SHMT1: variants seen among roughly 807,000 people sequenced by gnomAD.
SHMT1 encodes serine hydroxymethyltransferase 1, also known as serine hydroxymethyltransferase, cytosolic.
SHMT1 carries 45 observed loss-of-function variants against 49.0 expected under a neutral mutation model. The observed-to-expected ratio is 0.92, with a 90% CI of 0.72 to 1.18. The LOEUF (loss-of-function observed/expected upper bound fraction) is 1.18, where lower values mean the gene tolerates loss of function less well. Among genes scored for constraint, SHMT1 ranks in the 50% most tolerant of loss-of-function variants. The pLI is 0.00. For missense variants in SHMT1, 541 were observed against 612.4 expected, an observed-to-expected ratio of 0.88 and a Z score of 1.23; for synonymous variants, 232 against 246.6, an observed-to-expected ratio of 0.94 and a Z score of 0.55.
chr17:18,359,971 G>A lies in SHMT1; in HGVS notation c.-20+3401C>T, dbSNP rs987494433. Reference sequence around the variant, plus strand: ...AAAAAAAAAAAAAATTATTTGGCCAGGCACAGTGGCTCACACCTGTAACCC... The same window carrying A: ...AAAAAAAAAAAAAATTATTTGGCCAAGCACAGTGGCTCACACCTGTAACCC... On this transcript the variant is annotated intron_variant, in intron 1 of 11. Transcript: ENST00000316694. Among the ~76,000 whole-genome samples, 4 of 151,340 alleles carry A rather than the reference G, an allele frequency of 2.6e-5. No individual in the cohort carries two copies. In the Admixed American group the frequency reaches 2.7e-4, roughly 10 times the overall value.
chr17:18,334,618 C>A (rs1314255730), intron 8 of SHMT1, among the ~76,000 whole-genome samples: 1 of 152,174 alleles, frequency 6.6e-6, no homozygotes, highest in Non-Finnish European at 1.5e-5. Flanking sequence ...TTCGTCCTAC[C>A]CTGCACCATT....
At chr17:18,330,236 A>G (rs1983048821) in intron 10 of SHMT1, among the ~76,000 whole-genome samples, 1 of 152,002 alleles carries the variant, frequency 6.6e-6, no homozygotes, top group Non-Finnish European at 1.5e-5. Context: ...CCCGGGTTCA[A>G]GCGACTCTTC....
At position 18,329,864 on chromosome 17, in the gene SHMT1, TTTTG is replaced by T. The variant is rs373683780; in HGVS notation, c.1172-480_1172-477del. Among the ~76,000 whole-genome samples the T allele has an allele frequency of 1.2e-3, 176 of 152,128 alleles. 1 individual carries two copies. The highest frequency in any genetic ancestry group is 4.3e-3 in the Admixed American group (65 of 15,274). The stretch of plus-strand genomic sequence containing the variant: ...TCCCTGCCCCCGCTCCATTTTTTGT[TTTTG>T]TTTTTGTTTTTTTGAGACGGAGTCT... On this transcript the variant is annotated intron_variant, in intron 10 of 11. Coordinates refer to ENST00000316694, the MANE Select transcript of SHMT1 (RefSeq NM_004169.5).
At chr17:18,339,348 A>C (rs1001701510) in intron 7 of SHMT1, among the ~76,000 whole-genome samples, 3 of 152,158 alleles carry the variant, frequency 2.0e-5, no homozygotes, top group Admixed American at 2.0e-4. Flanking sequence ...CTGTAAGTTC[A>C]CCAGAATAAT....
intron 3 of SHMT1, among the ~76,000 whole-genome samples, chr17:18,350,749 C>G (rs1333835440): frequency 6.9e-6 from 1 of 145,078 alleles, no homozygotes; most frequent in Non-Finnish European, 1.5e-5. Context: ...TTTTTTTTTT[C>G]TGAGATGGAG....
At chr17:18,362,649 A>C (rs1986878075) in intron 1 of SHMT1, among the ~76,000 whole-genome samples, 1 of 152,148 alleles carries the variant, frequency 6.6e-6, no homozygotes, top group Admixed American at 6.6e-5. Context: ...GCAAGAACCT[A>C]AACTGGTGTT....
At chr17:18,337,567 C>T (rs1330112839) in intron 7 of SHMT1, among the ~76,000 whole-genome samples, 1 of 150,906 alleles carries the variant, frequency 6.6e-6, no homozygotes, top group African/African-American at 2.4e-5. Flanking sequence ...TCCCCCTCCC[C>T]CTCCCTCTCC....
chr17:18,330,578 G>A lies in SHMT1; in HGVS notation c.1148C>T (p.Ala383Val), dbSNP rs1217975597. ...ACCTGGACAGGTGTTCTTGTTGCAGGCAATAGAACAGGCTTCTAGCACCTT... is the reference window on the plus strand; with the variant it reads ...ACCTGGACAGGTGTTCTTGTTGCAGACAATAGAACAGGCTTCTAGCACCTT... ...AEKVLEACSI[A>V]CNKNTCPGDR... Residue 383 changes from alanine (A) to valine (V), a missense_variant, in exon 10 of 12, where the codon GCC becomes GTC. Ala to Val is a moderately conservative substitution (Grantham distance 64). Coordinates refer to ENST00000316694, the MANE Select transcript of SHMT1 (RefSeq NM_004169.5). 2 of 1,611,472 alleles carry A rather than the reference G, an allele frequency of 1.2e-6. No individual in the cohort carries two copies. The highest frequency in any genetic ancestry group is 1.7e-6 in the Non-Finnish European group (2 of 1,177,530).
At chr17:18,355,414 C>T (rs1986150422) in intron 2 of SHMT1, among the ~76,000 whole-genome samples, 1 of 149,592 alleles carries the variant, frequency 6.7e-6, no homozygotes, top group African/African-American at 2.5e-5. Flanking sequence ...GTGGTGGGTG[C>T]CTGCAATCCC....
chr17:18,335,588 T>C lies in SHMT1; in HGVS notation c.902A>G (p.Gln301Arg). 6.2e-7 allele frequency: 1 copy of C among 1,613,760 alleles called. No individual in the cohort carries two copies. Among genetic ancestry groups the C allele is most frequent in the Non-Finnish European group, 8.5e-7 (1 of 1,179,878 alleles). The change falls in exon 8 of 12, where the codon CAG (glutamine) becomes CGG (arginine). Residue 301 changes from glutamine to arginine, a missense_variant. Physicochemically the swap from Gln to Arg is conservative, Grantham distance 43. Transcript: ENST00000316694. Reference sequence around the variant, plus strand: ...AATGGCGTGGTTGTGGGGACCTCCCTGCAGGCCAGGGAACACAGCAGAATT... The same window carrying C: ...AATGGCGTGGTTGTGGGGACCTCCCCGCAGGCCAGGGAACACAGCAGAATT... ...LINSAVFPGL[Q>R]GGPHNHAIAG...
chr17:18,351,406 A>G (rs1195162345), intron 3 of SHMT1, among the ~76,000 whole-genome samples: 1 of 151,284 alleles, frequency 6.6e-6, no homozygotes, highest in Admixed American at 6.6e-5. Flanking sequence ...TCGGCCTCCT[A>G]AAGTGCTGGA....
At position 18,340,046 on chromosome 17, in the gene SHMT1, T is replaced by C. The variant is rs746638507; in HGVS notation, c.811A>G (p.Lys271Glu). 3 of 1,613,356 alleles carry C rather than the reference T, an allele frequency of 1.9e-6. No individual in the cohort carries two copies. In the South Asian group the frequency reaches 3.3e-5, roughly 18 times the overall value. The change falls in exon 7 of 12, where the codon AAA (lysine) becomes GAA (glutamate). Residue 271 changes from lysine (K) to glutamate (E), a missense_variant. By Grantham distance (56) the Lys-to-Glu change is moderately conservative (BLOSUM62 1). Coordinates refer to ENST00000316694, the MANE Select transcript of SHMT1 (RefSeq NM_004169.5). The surrounding 1 kb of genome is among the most constrained non-coding windows in gnomAD (Gnocchi z 4.5). ...TACCCAACATTCGGGAGCTCACCTT[T>C]CCTGTAGAAGATCATGCCAGCTCGG... ...GCRAGMIFYRKGVKSVDPKTG... is the reference protein window; with the variant it reads ...GCRAGMIFYREGVKSVDPKTG...
At chr17:18,355,369 CA>C (rs778650524) in intron 2 of SHMT1, among the ~76,000 whole-genome samples, 1,700 of 62,732 alleles carry the variant, frequency 0.027, 12 homozygotes, top group Middle Eastern at 0.064. Flanking sequence ...GACTCTGTCT[CA>C]AAAAAAAAAA....
intron 7 of SHMT1, among the ~76,000 whole-genome samples, chr17:18,338,203 G>A (rs2151575508): frequency 6.6e-6 from 1 of 151,648 alleles, no homozygotes; most frequent in East Asian, 1.9e-4. Flanking sequence ...GGGATGTGAG[G>A]AGCACCTCTG....
At chr17:18,341,068 C>G (rs1984452376) in intron 5 of SHMT1, 1 of 536,972 alleles carries the variant, frequency 1.9e-6, no homozygotes. Context: ...GAGAAGGAAC[C>G]AAAAAGCACC....
At chr17:18,356,136 T>A in intron 1 of SHMT1, 136 bp from the exon 2 acceptor site, 1 of 452,278 alleles carries the variant, frequency 2.2e-6, no homozygotes, top group Non-Finnish European at 3.9e-6. Context: ...CACTGCAACC[T>A]CCGTCTCCCA....
In SHMT1 at chr17:18,348,307, T is replaced by C. The variant is rs1313475849; in HGVS notation, c.358+18A>G. On this transcript the variant is annotated intron_variant, in intron 4 of 11. Transcript: ENST00000316694. ...CACATGAAGAGGCTGCACCAGGCCA[T>C]ATGGATGAGACAAGCACCTGAGTAG... is the stretch of plus-strand genomic sequence containing the variant. The C allele has an allele frequency of 6.6e-7, 1 of 1,520,472 alleles. No individual in the cohort carries two copies. The highest frequency in any genetic ancestry group is 2.3e-5 in the East Asian group (1 of 44,432). The allele number at this position is 1,520,472 out of a possible 1,614,324, so 94.2% of individuals were successfully genotyped here.
intron 3 of SHMT1, among the ~76,000 whole-genome samples, chr17:18,353,327 C>T (rs1985906906): frequency 6.6e-6 from 1 of 152,228 alleles, no homozygotes; most frequent in African/African-American, 2.4e-5. Context: ...CGATGACTCA[C>T]ATGGCAACGG....
At chr17:18,356,332 G>A (rs930341111) in intron 1 of SHMT1, among the ~76,000 whole-genome samples, 3 of 150,090 alleles carry the variant, frequency 2.0e-5, no homozygotes, top group Non-Finnish European at 3.0e-5. Flanking sequence ...GTCAGCCACC[G>A]CGCCCCACCT....
Sources: allele counts gnomAD v4.1 joint callset (sites outside exome capture counted in the v4.1 genomes callset), GRCh38; gene constraint gnomAD v4.1.1; non-coding constraint Gnocchi (gnomAD v3.1); transcripts MANE v1.5; gene names NCBI Gene and HGNC (gene_info 2026-07-23, HGNC 2026-07-21).